ACVR2A: variants seen among roughly 807,000 people sequenced by gnomAD.
The protein encoded by ACVR2A is activin A receptor type 2A, also known as activin receptor type-2A.
ACVR2A carries 7 observed loss-of-function variants against 61.4 expected under a neutral mutation model. That is an observed-to-expected ratio of 0.11 (90% CI 0.06 to 0.21). ACVR2A has a LOEUF of 0.21. Ranked by LOEUF, ACVR2A falls within the 10% of genes least tolerant of loss-of-function variation. The pLI is 1.00. For synonymous variants in ACVR2A, 193 were observed against 208.3 expected (o/e 0.93, Z 0.63); for missense variants, 322 against 621.7 (o/e 0.52, Z 5.13).
chr2:147,860,669 T>C (rs907508532), intron 1 of ACVR2A, among the ~76,000 whole-genome samples: 5 of 152,208 alleles, frequency 3.3e-5, no homozygotes, highest in African/African-American at 1.2e-4. Flanking sequence ...GGAAGGCTCT[T>C]CTTCACTAGG....
chr2:147,847,857 A>G (rs1228476943), intron 1 of ACVR2A, among the ~76,000 whole-genome samples: 15 of 152,138 alleles, frequency 9.9e-5, no homozygotes, highest in African/African-American at 3.6e-4. Flanking sequence ...CTTTCCCCAC[A>G]GTTTGTTGAA....
chr2:147,888,627 A>G (rs554499398), intron 1 of ACVR2A, among the ~76,000 whole-genome samples: 4 of 148,872 alleles, frequency 2.7e-5, no homozygotes, highest in Admixed American at 2.7e-4. Context: ...TCGTTCATCT[A>G]TCCTGTGACC....
intron 2 of ACVR2A, among the ~76,000 whole-genome samples, chr2:147,898,928 A>G (rs1016144795): frequency 2.0e-5 from 3 of 152,094 alleles, no homozygotes; most frequent in South Asian, 2.1e-4. Context: ...TTAATTTCTC[A>G]GCCTAGTTTG....
Position 147,928,037 on chromosome 2 carries a change from G to A in ACVR2A, c.*763G>A, listed in dbSNP as rs1302142733. On this transcript the variant is annotated 3_prime_UTR_variant, in exon 11 of 11. Coordinates refer to ENST00000241416, the MANE Select transcript of ACVR2A (RefSeq NM_001616.5). ...GTAAAGCAGTGTTTTAGCATTTCTT[G>A]TGCTGGCTTGTAATGTAGGGAAAAA... is the stretch of plus-strand genomic sequence containing the variant. 2 of 152,288 alleles carry A rather than the reference G, an allele frequency of 1.3e-5. No individual in the cohort carries two copies. Among genetic ancestry groups the A allele is most frequent in the East Asian group, 3.9e-4 (2 of 5,184 alleles). The allele number at this position is 152,288 out of a possible 1,614,324, so 9.4% of individuals were successfully genotyped here.
chr2:147,904,149 T>G (rs1686933788), intron 4 of ACVR2A, among the ~76,000 whole-genome samples: 1 of 152,002 alleles, frequency 6.6e-6, no homozygotes, highest in Non-Finnish European at 1.5e-5. Flanking sequence ...CCCAGCTCAC[T>G]TTTCTTTTGC....
chr2:147,923,137 AAG>A, intron 9 of ACVR2A, 26 bp downstream of exon 9: 1 of 1,597,310 alleles, frequency 6.3e-7, no homozygotes, highest in Non-Finnish European at 8.5e-7. Context: ...ATTTTTAAAA[AAG>A]ATATATATGC....
chr2:147,919,865 G>A (rs535458126), intron 7 of ACVR2A, among the ~76,000 whole-genome samples: 37 of 152,026 alleles, frequency 2.4e-4, no homozygotes, highest in Non-Finnish European at 4.4e-4. Context: ...TCTTCATTTT[G>A]GTTTAAAATT....
chr2:147,862,276 G>A (rs188486373), intron 1 of ACVR2A, among the ~76,000 whole-genome samples: 4 of 151,942 alleles, frequency 2.6e-5, no homozygotes, highest in Admixed American at 2.0e-4. Flanking sequence ...TCTAATTCTA[G>A]GGCAGATTTT....
chr2:147,913,366 C>T (rs920753291), intron 4 of ACVR2A, among the ~76,000 whole-genome samples: 10 of 151,866 alleles, frequency 6.6e-5, no homozygotes, highest in Non-Finnish European at 1.3e-4. Flanking sequence ...TTTTCCTCTT[C>T]AGCTTTCAGC....
chr2:147,888,196 T>A (rs1458534038), intron 1 of ACVR2A, among the ~76,000 whole-genome samples: 1 of 152,194 alleles, frequency 6.6e-6, no homozygotes, highest in Non-Finnish European at 1.5e-5. Context: ...CCTCTGTCAG[T>A]ACCTTGCTGT....
chr2:147,896,419 G>C lies in ACVR2A; in HGVS notation c.174G>C (p.Arg58=). ...EPCYGDKDKR[R]HCFATWKNIS... ...GTTATGGTGACAAAGATAAACGGCGGCATTGTTTTGCTACCTGGAAGAATA... is the reference window on the plus strand; with the variant it reads ...GTTATGGTGACAAAGATAAACGGCGCCATTGTTTTGCTACCTGGAAGAATA... The change falls in exon 2 of 11, where the codon CGG becomes CGC. Residue 58 remains arginine (R), a synonymous_variant. Coordinates refer to ENST00000241416, the MANE Select transcript of ACVR2A (RefSeq NM_001616.5). The C allele has an allele frequency of 6.2e-7, 1 of 1,613,958 alleles. No individual in the cohort carries two copies. The highest frequency in any genetic ancestry group is 8.5e-7 in the Non-Finnish European group (1 of 1,179,942).
At chr2:147,855,911 T>C (rs573506063) in intron 1 of ACVR2A, among the ~76,000 whole-genome samples, 1 of 152,326 alleles carries the variant, frequency 6.6e-6, no homozygotes, top group Non-Finnish European at 1.5e-5. Flanking sequence ...GTGTCTATTT[T>C]TTTCATAAGC....
chr2:147,859,868 A>G (rs1490320683), intron 1 of ACVR2A, among the ~76,000 whole-genome samples: 3 of 151,146 alleles, frequency 2.0e-5, no homozygotes, highest in Non-Finnish European at 4.4e-5. Flanking sequence ...TTGAAACAGA[A>G]GCTCACCAGA....
rs1687663268 is a variant in ACVR2A, at chr2:147,930,613, A to G, written c.*3339A>G. On this transcript the variant is annotated 3_prime_UTR_variant, in exon 11 of 11. Coordinates refer to ENST00000241416, the MANE Select transcript of ACVR2A (RefSeq NM_001616.5). ...CCTCTCAGAATATTGGTAAGCAGTT[A>G]TTTTCGCTTTACTCTGTATTTCTTG... 6.6e-6 allele frequency: 1 copy of G among 152,136 alleles called. No individual in the cohort carries two copies. Among genetic ancestry groups the G allele is most frequent in the East Asian group, 1.9e-4 (1 of 5,178 alleles). The allele number at this position is 152,136 out of a possible 1,614,324, so 9.4% of individuals were successfully genotyped here.
In ACVR2A at chr2:147,861,836, A is replaced by G. The variant is rs541548094; in HGVS notation, c.55+16629A>G. 1.5e-4 allele frequency among the ~76,000 whole-genome samples: 23 copies of G among 152,256 alleles called. No homozygotes were observed. In the South Asian group the frequency reaches 4.8e-3, roughly 32 times the overall value. On this transcript the variant is annotated intron_variant, in intron 1 of 10. Coordinates refer to ENST00000241416, the MANE Select transcript of ACVR2A (RefSeq NM_001616.5). Reference sequence around the variant, plus strand: ...GTGAATGTGTGAGGGGAATAACTGAAATTTCTAAAAGTGTATCTTGTTTTG... The same window carrying G: ...GTGAATGTGTGAGGGGAATAACTGAGATTTCTAAAAGTGTATCTTGTTTTG...
rs540596310 is a variant in ACVR2A at position 147,897,007 on chromosome 2, C to T, written c.263+499C>T. ...CAAAGTAGGCCTTTCGCTCTTTACC[C>T]GAAGAGACTTTTTATTTTTGAGACA... On this transcript the variant is annotated intron_variant, in intron 2 of 10. Coordinates refer to ENST00000241416, the MANE Select transcript of ACVR2A (RefSeq NM_001616.5). 7.3e-3 allele frequency: 952 copies of T among 130,302 alleles called. 6 individuals carry two copies. Among genetic ancestry groups the T allele is most frequent in the Non-Finnish European group, 0.011 (724 of 64,468 alleles). The allele number at this position is 130,302 out of a possible 1,614,324, so 8.1% of individuals were successfully genotyped here.
intron 7 of ACVR2A, among the ~76,000 whole-genome samples, chr2:147,919,380 A>G (rs1687326168): frequency 6.6e-6 from 1 of 152,074 alleles, no homozygotes; most frequent in Admixed American, 6.6e-5. Flanking sequence ...CTCGTCTTCG[A>G]TTTTCCCTTG....
intron 1 of ACVR2A, among the ~76,000 whole-genome samples, chr2:147,881,572 C>CT (rs377021508): frequency 2.3e-5 from 3 of 128,328 alleles, no homozygotes; most frequent in South Asian, 2.5e-4. Flanking sequence ...TAGTTAGCAT[C>CT]TTTTTTTTTC....
chr2:147,899,624 T>C, intron 3 of ACVR2A, 57 bp downstream of exon 3: 3 of 1,584,120 alleles, frequency 1.9e-6, no homozygotes, highest in South Asian at 2.2e-5. Context: ...AAACAAAATA[T>C]ATTTGTGTTG....
Sources: allele counts gnomAD v4.1 joint callset (sites outside exome capture counted in the v4.1 genomes callset), GRCh38; gene constraint gnomAD v4.1.1; transcripts MANE v1.5; gene names NCBI Gene and HGNC (gene_info 2026-07-23, HGNC 2026-07-21).